ADGB: variants seen among roughly 807,000 people sequenced by gnomAD.
ADGB encodes calpain-7-like protein.
Under a neutral mutation model 210.5 loss-of-function variants are expected in ADGB, and 172 were observed. The ratio of observed to expected loss-of-function variants is 0.82; its 90% CI spans 0.72 to 0.93. ADGB has a LOEUF of 0.93. ADGB is among the 40% of genes least tolerant of loss of function. The pLI is 0.00. For missense variants in ADGB, 2,025 were observed against 1,964.8 expected, an observed-to-expected ratio of 1.03 and a Z score of -0.58; for synonymous variants, 658 against 662.7, an observed-to-expected ratio of 0.99 and a Z score of 0.11.
chr6:146,726,788 C>T (rs1776901572), intron 19 of ADGB, among the ~76,000 whole-genome samples: 1 of 152,116 alleles, frequency 6.6e-6, no homozygotes, highest in Admixed American at 6.5e-5. Flanking sequence ...GATCCCATGG[C>T]ATCATTGGTT....
At chr6:146,605,701 T>G (rs1430128074) in intron 1 of ADGB, among the ~76,000 whole-genome samples, 1 of 152,124 alleles carries the variant, frequency 6.6e-6, no homozygotes, top group Non-Finnish European at 1.5e-5. Flanking sequence ...TGGCACAGAT[T>G]TGGACATTTT....
At position 146,708,284 on chromosome 6, in the gene ADGB, A is replaced by G. The variant is rs78902359; in HGVS notation, c.1708-7098A>G. 6.1e-3 allele frequency among the ~76,000 whole-genome samples: 929 copies of G among 152,212 alleles called. 8 individuals carry two copies. The highest frequency in any genetic ancestry group is 0.022 in the African/African-American group (903 of 41,564). ...CCATTACAGTATTAGAGTATTCTGA[A>G]TTTGACTATGTACTTACTTTTACCA... On this transcript the variant is annotated intron_variant, in intron 13 of 35. Transcript: ENST00000397944.
At position 146,610,896 on chromosome 6, in the gene ADGB, A is replaced by G. The variant is rs989156339; in HGVS notation, c.74+11782A>G. Among the ~76,000 whole-genome samples, 4 of 152,156 alleles carry G rather than the reference A, an allele frequency of 2.6e-5. No individual in the cohort carries two copies. In the East Asian group the frequency reaches 7.7e-4, roughly 29 times the overall value. ...TGCTGGTTGCAGGGTGGCAGGATCC[A>G]TTCACACATGCACGCTGGCATGGAC... On this transcript the variant is annotated intron_variant, in intron 1 of 35. Transcript: ENST00000397944.
intron 33 of ADGB, among the ~76,000 whole-genome samples, chr6:146,795,471 C>T (rs890528409): frequency 6.6e-6 from 1 of 151,820 alleles, no homozygotes; most frequent in Admixed American, 6.6e-5. Context: ...GAAAAACAAC[C>T]CCATTAAAAA....
In ADGB at chr6:146,813,959, C is replaced by T. The variant is rs140459693; in HGVS notation, c.4819-1073C>T. Among the ~76,000 whole-genome samples the T allele has an allele frequency of 7.7e-3, 1,166 of 152,050 alleles. 7 individuals carry two copies. Among genetic ancestry groups the T allele is most frequent in the Non-Finnish European group, 0.011 (779 of 68,006 alleles). On this transcript the variant is annotated intron_variant, in intron 35 of 35. Coordinates refer to ENST00000397944, the MANE Select transcript of ADGB (RefSeq NM_024694.4). The stretch of plus-strand genomic sequence containing the variant: ...GAATGAATGTTTTATACTCATTCCT[C>T]AAGGGATTACTGATGTATATTAAAC...
intron 6 of ADGB, among the ~76,000 whole-genome samples, chr6:146,665,066 A>G (rs866191712): frequency 2.0e-5 from 3 of 152,068 alleles, no homozygotes; most frequent in Non-Finnish European, 2.9e-5. Context: ...AGATGCTCAC[A>G]TACATTGCAC....
At chr6:146,759,581 T>A (rs1333747923) in intron 27 of ADGB, among the ~76,000 whole-genome samples, 1 of 151,754 alleles carries the variant, frequency 6.6e-6, no homozygotes, top group Non-Finnish European at 1.5e-5. Flanking sequence ...ATATGCGCAA[T>A]CTTTAAAATT....
chr6:146,680,928 C>T (rs889037798), intron 9 of ADGB, among the ~76,000 whole-genome samples: 1 of 152,094 alleles, frequency 6.6e-6, no homozygotes, highest in Non-Finnish European at 1.5e-5. Flanking sequence ...TATACTCTAG[C>T]ATGTGAATTC....
Position 146,815,223 on chromosome 6 carries a change from G to A in ADGB, c.*6G>A, listed in dbSNP as rs758355261. On this transcript the variant is annotated 3_prime_UTR_variant, in exon 36 of 36. Coordinates refer to ENST00000397944, the MANE Select transcript of ADGB (RefSeq NM_024694.4). ...AGAAAGGAAAGAAAAAGTAACCAGG[G>A]GATGTCCAATACTACCCTGCTTCTG... 3.3e-6 allele frequency: 5 copies of A among 1,499,412 alleles called. No individual in the cohort carries two copies. The highest frequency in any genetic ancestry group is 4.4e-6 in the Non-Finnish European group (5 of 1,131,574). The allele number at this position is 1,499,412 out of a possible 1,614,324, so 92.9% of individuals were successfully genotyped here.
At position 146,803,417 on chromosome 6, in the gene ADGB, C is replaced by G. The variant is rs887190388; in HGVS notation, c.4818+1406C>G. On this transcript the variant is annotated intron_variant, in intron 35 of 35. Coordinates refer to ENST00000397944, the MANE Select transcript of ADGB (RefSeq NM_024694.4). ...AAGCCAGTTCATTTTCTTTATTTGCCATGTCACAGCCCCCACCTTCCAGGG... is the reference window on the plus strand; with the variant it reads ...AAGCCAGTTCATTTTCTTTATTTGCGATGTCACAGCCCCCACCTTCCAGGG... The G allele has an allele frequency of 2.0e-5, 32 of 1,608,208 alleles. No homozygotes were observed. The Admixed American group carries it at 4.0e-4, about 20-fold the overall frequency.
intron 35 of ADGB, among the ~76,000 whole-genome samples, chr6:146,809,275 G>A (rs1184826928): frequency 2.6e-5 from 4 of 152,216 alleles, no homozygotes; most frequent in South Asian, 2.1e-4. Flanking sequence ...GCGCAATCTC[G>A]GCTCAATGCA....
Position 146,782,155 on chromosome 6 carries a change from C to T in ADGB, c.3998C>T (p.Thr1333Ile), listed in dbSNP as rs1777810565. ...GAAAAGTCTTCTGAGAAAGAAAAGA[C>T]AGCCAAAGAAAAACAAGCACCTCGC... ...GKEKSSEKEKTAKEKQAPRFE... is the reference protein window; with the variant it reads ...GKEKSSEKEKIAKEKQAPRFE... The change falls in exon 30 of 36, where the codon ACA (threonine) becomes ATA (isoleucine). Residue 1333 changes from threonine to isoleucine, a missense_variant. Physicochemically the swap from Thr to Ile is moderately conservative, Grantham distance 89 (BLOSUM62 -1). Transcript: ENST00000397944. 1.3e-6 allele frequency: 2 copies of T among 1,539,772 alleles called. No homozygotes were observed. The highest frequency in any genetic ancestry group is 2.8e-5 in the African/African-American group (2 of 72,050).
intron 12 of ADGB, among the ~76,000 whole-genome samples, chr6:146,699,484 C>G (rs574830467): frequency 1.6e-4 from 25 of 152,112 alleles, no homozygotes; most frequent in Non-Finnish European, 2.6e-4. Flanking sequence ...TTTCTTCTGC[C>G]CAGGCAGAAG....
intron 25 of ADGB, among the ~76,000 whole-genome samples, chr6:146,742,537 T>A (rs1777177036): frequency 6.6e-6 from 1 of 152,180 alleles, no homozygotes; most frequent in Non-Finnish European, 1.5e-5. Flanking sequence ...CACCTAAGCA[T>A]AATTTTTAAA....
chr6:146,671,858 G>C (rs1397361838), intron 7 of ADGB, among the ~76,000 whole-genome samples: 2 of 152,054 alleles, frequency 1.3e-5, no homozygotes, highest in Non-Finnish European at 2.9e-5. Flanking sequence ...AATAAGATAA[G>C]GACCTTCTAC....
chr6:146,652,428 A>T (rs1775715674), intron 3 of ADGB, among the ~76,000 whole-genome samples: 1 of 151,970 alleles, frequency 6.6e-6, no homozygotes, highest in Non-Finnish European at 1.5e-5. Flanking sequence ...AACTTTTTTT[A>T]TTGACTTTTC....
chr6:146,694,286 C>A (rs1463249205), intron 12 of ADGB, among the ~76,000 whole-genome samples: 1 of 152,168 alleles, frequency 6.6e-6, no homozygotes, highest in African/African-American at 2.4e-5. Flanking sequence ...CTTCTAGAGG[C>A]TGGGAAGTCC....
chr6:146,660,511 T>C (rs554987994), intron 5 of ADGB, among the ~76,000 whole-genome samples: 2 of 152,186 alleles, frequency 1.3e-5, no homozygotes, highest in Non-Finnish European at 2.9e-5. Flanking sequence ...AACAATAGGG[T>C]CATAGAAATG....
chr6:146,666,736 A>G, intron 6 of ADGB, 80 bp from the exon 7 acceptor site: 1 of 828,930 alleles, frequency 1.2e-6, no homozygotes, highest in Non-Finnish European at 1.9e-6. Flanking sequence ...ATTGCTGTTT[A>G]TTAATGATTC....
Sources: allele counts gnomAD v4.1 joint callset (sites outside exome capture counted in the v4.1 genomes callset), GRCh38; gene constraint gnomAD v4.1.1; transcripts MANE v1.5; gene names NCBI Gene and HGNC (gene_info 2026-07-23, HGNC 2026-07-21).